The following MAN2B2 variants were observed in gnomAD, a reference collection of about 807,000 sequenced individuals.
MAN2B2 encodes mannosidase alpha class 2B member 2, also known as epididymis-specific alpha-mannosidase.
MAN2B2 carries 106 observed loss-of-function variants against 117.1 expected under a neutral mutation model. That is an observed-to-expected ratio of 0.90 (90% CI 0.77 to 1.06). The LOEUF is 1.06. Ranked by LOEUF, MAN2B2 falls within the 50% of genes least tolerant of loss-of-function variation. The pLI is 0.00. For missense variants in MAN2B2, 1,326 were observed against 1,381.4 expected (o/e 0.96, Z 0.64); for synonymous variants, 544 against 595.1 (o/e 0.91, Z 1.25).
At chr4:6,580,017 A>T (rs140160372) in intron 3 of MAN2B2, among the ~76,000 whole-genome samples, 1 of 152,282 alleles carries the variant, frequency 6.6e-6, no homozygotes, top group Non-Finnish European at 1.5e-5. Flanking sequence ...GTCCACAGTC[A>T]CTCCACTACA....
At chr4:6,620,766 A>G (rs116533922) in intron 18 of MAN2B2, 380 of 170,018 alleles carry the variant, frequency 2.2e-3, no homozygotes, top group Non-Finnish European at 3.5e-3. Flanking sequence ...CTCCCTCCCA[A>G]GATCGAAGCC....
At chr4:6,602,535 G>A (rs948185646) in intron 10 of MAN2B2, among the ~76,000 whole-genome samples, 6 of 152,166 alleles carry the variant, frequency 3.9e-5, no homozygotes, top group Admixed American at 2.6e-4. Flanking sequence ...GAATCCGGAC[G>A]TCAGCCATTT....
In MAN2B2 at chr4:6,605,324, G is replaced by A. The variant is rs1727501482; in HGVS notation, c.1809G>A (p.Trp603Ter). ...ATACCAACCTGATGCACAGCATCTGGGAGAGGTAAGGTGCAGCCATTGCTG... is the reference window on the plus strand; with the variant it reads ...ATACCAACCTGATGCACAGCATCTGAGAGAGGTAAGGTGCAGCCATTGCTG... The part of the protein sequence containing the change: ...DQDTNLMHSI[W>*]ERQSNRTVRV... Residue 603 changes from tryptophan to a stop codon, truncating the protein, a stop_gained, in exon 11 of 19, where the codon TGG (tryptophan) becomes TGA (stop). Transcript: ENST00000285599. LOFTEE classifies it high-confidence loss of function. The A allele has an allele frequency of 7.5e-6, 12 of 1,607,262 alleles. No homozygotes were observed. The highest frequency in any genetic ancestry group is 2.2e-5 in the East Asian group (1 of 44,678).
intron 3 of MAN2B2, among the ~76,000 whole-genome samples, chr4:6,579,307 C>T (rs766600546): frequency 6.4e-4 from 43 of 66,750 alleles, no homozygotes; most frequent in South Asian, 1.3e-3. Context: ...ACCATCACCA[C>T]CACCACCACC....
intron 9 of MAN2B2, among the ~76,000 whole-genome samples, chr4:6,600,236 G>A (rs1727274254): frequency 6.6e-6 from 1 of 152,216 alleles, no homozygotes; most frequent in South Asian, 2.1e-4. Flanking sequence ...ACAGTGCCCA[G>A]CACTCAAAGC....
chr4:6,583,816 C>G (rs1033877781), intron 3 of MAN2B2, among the ~76,000 whole-genome samples: 2 of 152,184 alleles, frequency 1.3e-5, no homozygotes, highest in Non-Finnish European at 2.9e-5. Flanking sequence ...AGGCTGGTCC[C>G]CTTTCCCATG....
intron 13 of MAN2B2, 35 bp downstream of exon 13, chr4:6,610,085 A>C (rs770786594): frequency 1.9e-6 from 3 of 1,610,774 alleles, no homozygotes; most frequent in Non-Finnish European, 2.5e-6. Context: ...CACGCTCCCA[A>C]TGGCGCCTTT....
chr4:6,576,401 A>C (rs1335026486), intron 1 of MAN2B2, among the ~76,000 whole-genome samples, 177 bp from the exon 2 acceptor site: 1 of 152,100 alleles, frequency 6.6e-6, no homozygotes, highest in African/African-American at 2.4e-5. Flanking sequence ...GCACGATCCC[A>C]TCCAGTGGGG....
intron 16 of MAN2B2, among the ~76,000 whole-genome samples, chr4:6,616,377 G>T (rs563519048): frequency 6.6e-6 from 1 of 152,202 alleles, no homozygotes; most frequent in African/African-American, 2.4e-5. Context: ...GCAAATGACA[G>T]CATTATATCA....
chr4:6,580,860 C>G (rs1043105379), intron 3 of MAN2B2, among the ~76,000 whole-genome samples: 1 of 152,182 alleles, frequency 6.6e-6, no homozygotes, highest in African/African-American at 2.4e-5. Context: ...AGTGCTGATA[C>G]CCCAGCGCTG....
In MAN2B2 at chr4:6,613,575, CAAGG is replaced by C. The variant is rs751318063; in HGVS notation, c.2564-626_2564-623del. Among the ~76,000 whole-genome samples, 8 of 116,440 alleles carry C rather than the reference CAAGG, an allele frequency of 6.9e-5. No homozygotes were observed. The East Asian group carries it at 8.4e-4, about 12-fold the overall frequency. 76.4% of individuals were successfully genotyped at this position (116,440 alleles called of 152,430 possible). Reference sequence around the variant, plus strand: ...GAGTGACACAGCAAGTCCCTATCTACAAGGAAGGAAGGAAGGAAGGGAGGGAGGG... The same window carrying C: ...GAGTGACACAGCAAGTCCCTATCTACAAGGAAGGAAGGAAGGGAGGGAGGG... On this transcript the variant is annotated intron_variant, in intron 15 of 18. Coordinates refer to ENST00000285599, the MANE Select transcript of MAN2B2 (RefSeq NM_015274.3).
intron 7 of MAN2B2, among the ~76,000 whole-genome samples, chr4:6,596,122 CGTG>C: frequency 7.0e-6 from 1 of 142,710 alleles, no homozygotes; most frequent in Non-Finnish European, 1.5e-5. Context: ...TCCAGGTGGG[CGTG>C]GTGTCCAGGT....
At chr4:6,600,134 AAG>A (rs1413753697) in intron 9 of MAN2B2, among the ~76,000 whole-genome samples, 1 of 152,184 alleles carries the variant, frequency 6.6e-6, no homozygotes, top group East Asian at 1.9e-4. Flanking sequence ...ATGCAACAGA[AAG>A]AGAGGCCAGG....
chr4:6,579,227 A>C (rs1726276335), intron 3 of MAN2B2, among the ~76,000 whole-genome samples: 1 of 89,606 alleles, frequency 1.1e-5, no homozygotes, highest in South Asian at 4.6e-4. Flanking sequence ...CACCACCACC[A>C]CCATCACCAC....
intron 15 of MAN2B2, among the ~76,000 whole-genome samples, chr4:6,611,618 C>G (rs1711562773): frequency 6.6e-6 from 1 of 152,008 alleles, no homozygotes; most frequent in African/African-American, 2.4e-5. Context: ...GGAGGCTTAG[C>G]ATTTAAAAGA....
intron 11 of MAN2B2, among the ~76,000 whole-genome samples, chr4:6,607,204 T>TATTG (rs894820448): frequency 1.1e-4 from 16 of 152,172 alleles, no homozygotes; most frequent in East Asian, 3.9e-4. Flanking sequence ...TCCCCCTTTT[T>TATTG]ATTGATTGAT....
intron 3 of MAN2B2, 96 bp downstream of exon 3, chr4:6,578,594 C>A: frequency 2.0e-6 from 2 of 1,012,706 alleles, no homozygotes; most frequent in Admixed American, 2.1e-5. Context: ...TCTGTCTGCC[C>A]CTCTTAGTGG....
At chr4:6,579,092 A>T (rs1577269353) in intron 3 of MAN2B2, among the ~76,000 whole-genome samples, 1 of 77,944 alleles carries the variant, frequency 1.3e-5, no homozygotes, top group Non-Finnish European at 2.5e-5. Context: ...CACCATCACC[A>T]TCACCAGCAC....
In MAN2B2 at chr4:6,621,223, C is replaced by T. The variant is rs769881226; in HGVS notation, c.2968C>T (p.Pro990Ser). Reference sequence around the variant, plus strand: ...CTCTCCCTCGAGGCCACCAGGAGGCCCCATCATCACCGTCCACCCAAAGGA... The same window carrying T: ...CTCTCCCTCGAGGCCACCAGGAGGCTCCATCATCACCGTCCACCCAAAGGA... ...TTSPSRPPGG[P>S]IITVHPKEIR... Residue 990 changes from proline to serine, a missense_variant, in exon 19 of 19, where the codon CCC (proline) becomes TCC (serine). Pro to Ser is a moderately conservative substitution (Grantham distance 74). Coordinates refer to ENST00000285599, the MANE Select transcript of MAN2B2 (RefSeq NM_015274.3). 3 of 1,614,082 alleles carry T rather than the reference C, an allele frequency of 1.9e-6. No individual in the cohort carries two copies. Among genetic ancestry groups the T allele is most frequent in the East Asian group, 2.2e-5 (1 of 44,850 alleles).
Sources: gnomAD v4.1 joint callset for allele counts (sites outside exome capture counted in the v4.1 genomes callset) on GRCh38, gnomAD v4.1.1 for gene constraint, MANE v1.5 for transcripts, NCBI Gene and HGNC (gene_info 2026-07-23, HGNC 2026-07-21) for gene names.